CDH23: variants seen among roughly 807,000 people sequenced by gnomAD.
CDH23 encodes the protein cadherin-23.
CDH23 carries 189 observed loss-of-function variants against 317.1 expected under a neutral mutation model. The ratio of observed to expected loss-of-function variants is 0.60; its 90% CI spans 0.53 to 0.67. The LOEUF is 0.67. Among genes scored for constraint, CDH23 ranks in the 30% least tolerant of loss-of-function variants. CDH23 has a pLI of 0.00. For missense variants in CDH23, 4,401 were observed against 4,592.4 expected (o/e 0.96, Z 1.20); for synonymous variants, 1,839 against 1,876.8 (o/e 0.98, Z 0.52).
At position 71,784,856 on chromosome 10, in the gene CDH23, T is replaced by C. The variant is rs1299687329; in HGVS notation, c.5503-35T>C. ...TGCCATGCACAACATCTGTCGCTCT[T>C]CCTCCCCTCCCTCCTCCTTCTCTGA... On this transcript the variant is annotated intron_variant, in intron 42 of 69. Coordinates refer to ENST00000224721, the MANE Select transcript of CDH23 (RefSeq NM_022124.6). 2.5e-6 allele frequency: 4 copies of C among 1,578,736 alleles called. No homozygotes were observed. The Admixed American group carries it at 5.0e-5, about 20-fold the overall frequency.
At chr10:71,572,599 G>A (rs776399103) in intron 8 of CDH23, among the ~76,000 whole-genome samples, 7 of 152,008 alleles carry the variant, frequency 4.6e-5, no homozygotes, top group South Asian at 2.1e-4. Context: ...CACCCTCTCC[G>A]CCCCTGTGCC....
At chr10:71,756,007 C>G (rs1589399864) in intron 38 of CDH23, among the ~76,000 whole-genome samples, 1 of 152,180 alleles carries the variant, frequency 6.6e-6, no homozygotes. Context: ...AGCCCCAACT[C>G]ATCCCAGAGA....
At chr10:71,740,247 G>T (rs981210005) in intron 36 of CDH23, among the ~76,000 whole-genome samples, 1 of 152,272 alleles carries the variant, frequency 6.6e-6, no homozygotes, top group African/African-American at 2.4e-5. Context: ...TGGCTGGGAT[G>T]TTTGCCAAGG....
chr10:71,606,437 G>A lies in CDH23; in HGVS notation c.833-9067G>A, dbSNP rs117146401. Among the ~76,000 whole-genome samples, 46 of 152,318 alleles carry A rather than the reference G, an allele frequency of 3.0e-4. 2 individuals are homozygous for A. In the East Asian group the frequency reaches 6.2e-3, roughly 20 times the overall value. Reference sequence around the variant, plus strand: ...CCTCGTGGGCCCTAGTGCAGCTGTGGTGTCTTTATGATGTGTGACATCAGG... The same window carrying A: ...CCTCGTGGGCCCTAGTGCAGCTGTGATGTCTTTATGATGTGTGACATCAGG... On this transcript the variant is annotated intron_variant, in intron 9 of 69. Transcript: ENST00000224721.
At chr10:71,573,840 C>T (rs1857980630) in intron 8 of CDH23, among the ~76,000 whole-genome samples, 4 of 152,182 alleles carry the variant, frequency 2.6e-5, no homozygotes. Context: ...CAGAATCTGC[C>T]TCCGTGTCCA....
chr10:71,425,046 G>A (rs895763734), intron 1 of CDH23, among the ~76,000 whole-genome samples: 6 of 152,052 alleles, frequency 3.9e-5, no homozygotes, highest in African/African-American at 9.7e-5. Flanking sequence ...AGGGTCACAC[G>A]GCTGACCCAT....
chr10:71,723,636 G>A (rs3824773), intron 28 of CDH23, among the ~76,000 whole-genome samples: 3,182 of 152,254 alleles, frequency 0.021, 233 homozygotes, highest in East Asian at 0.2. Flanking sequence ...AAGGAAATGC[G>A]GGCAAGAAGT....
intron 14 of CDH23, among the ~76,000 whole-genome samples, chr10:71,662,515 G>C (rs908596988): frequency 6.6e-6 from 1 of 152,134 alleles, no homozygotes; most frequent in Non-Finnish European, 1.5e-5. Context: ...TGCTGTCATG[G>C]TAGGAGGCGT....
chr10:71,730,257 C>T (rs1356246517), intron 30 of CDH23, among the ~76,000 whole-genome samples: 1 of 152,218 alleles, frequency 6.6e-6, no homozygotes, highest in Non-Finnish European at 1.5e-5. Flanking sequence ...AAGTTCATTC[C>T]GAAACAAGTA....
chr10:71,711,563 G>A (rs2132757034), intron 27 of CDH23: 2 of 152,250 alleles, frequency 1.3e-5, no homozygotes, highest in Middle Eastern at 6.8e-3. Context: ...CCCAGCCCTG[G>A]GAGGGTCCTG....
intron 31 of CDH23, among the ~76,000 whole-genome samples, chr10:71,731,259 A>G (rs2132822451): frequency 6.6e-6 from 1 of 152,328 alleles, no homozygotes; most frequent in South Asian, 2.1e-4. Context: ...TGTCCCCCAG[A>G]GAGGCTCCCT....
chr10:71,756,516 C>T (rs753410688), intron 38 of CDH23, among the ~76,000 whole-genome samples: 23 of 152,184 alleles, frequency 1.5e-4, no homozygotes, highest in Non-Finnish European at 2.6e-4. Flanking sequence ...AAATTCCTAG[C>T]GGTCAAAGTG....
intron 3 of CDH23, among the ~76,000 whole-genome samples, chr10:71,480,145 TG>T (rs1389120016): frequency 2.0e-5 from 3 of 152,190 alleles, no homozygotes; most frequent in Non-Finnish European, 4.4e-5. Context: ...TTTCCTCCTG[TG>T]GCCCATTGGC....
intron 1 of CDH23, among the ~76,000 whole-genome samples, chr10:71,410,450 A>C (rs1004668728): frequency 3.3e-5 from 5 of 152,282 alleles, no homozygotes; most frequent in Non-Finnish European, 5.9e-5. Context: ...CCATGGCAGG[A>C]GGGCAGGAAG....
At chr10:71,463,271 GCC>G (rs1400469722) in intron 3 of CDH23, among the ~76,000 whole-genome samples, 2 of 152,170 alleles carry the variant, frequency 1.3e-5, no homozygotes, top group African/African-American at 4.8e-5. Context: ...CCCTGCTCCA[GCC>G]TGGTACCCTC....
intron 24 of CDH23, among the ~76,000 whole-genome samples, chr10:71,704,443 C>G (rs1865702983): frequency 6.6e-6 from 1 of 152,018 alleles, no homozygotes; most frequent in African/African-American, 2.4e-5. Flanking sequence ...AAAAAGAACC[C>G]TTGATGTAAT....
intron 7 of CDH23, among the ~76,000 whole-genome samples, chr10:71,570,324 T>C (rs1287038589): frequency 6.6e-6 from 1 of 152,170 alleles, no homozygotes; most frequent in East Asian, 1.9e-4. Context: ...TTGTCAATCC[T>C]CTGCTGCCCT....
chr10:71,738,401 T>A, intron 34 of CDH23, 97 bp from the exon 35 acceptor site: 1 of 1,422,240 alleles, frequency 7.0e-7, no homozygotes, highest in East Asian at 2.3e-5. Context: ...CAGAACCCAC[T>A]GGGGATCTGG....
intron 11 of CDH23, among the ~76,000 whole-genome samples, chr10:71,623,691 T>C (rs1448252687): frequency 1.3e-5 from 2 of 152,168 alleles, no homozygotes; most frequent in Non-Finnish European, 2.9e-5. Flanking sequence ...ATTTTCCTCT[T>C]AAGGTGTTTT....
Sources: gnomAD v4.1 joint callset for allele counts (sites outside exome capture counted in the v4.1 genomes callset) on GRCh38, gnomAD v4.1.1 for gene constraint, MANE v1.5 for transcripts, NCBI Gene and HGNC (gene_info 2026-07-23, HGNC 2026-07-21) for gene names.